Variants in B3GALT1 observed in about 807,000 individuals in gnomAD.
B3GALT1 encodes beta-1,3-galactosyltransferase 1.
In B3GALT1, 10 loss-of-function variants were observed where a neutral mutation model predicts 23.2. That is an observed-to-expected ratio of 0.43 (90% CI 0.27 to 0.73). The LOEUF is 0.73. Among genes scored for constraint, B3GALT1 ranks in the 30% least tolerant of loss-of-function variants. B3GALT1 has a pLI of 0.21. For synonymous variants in B3GALT1, 156 were observed against 141.5 expected, an observed-to-expected ratio of 1.10 and a Z score of -0.73; for missense variants, 299 against 405.4, an observed-to-expected ratio of 0.74 and a Z score of 2.25.
At chr2:167,673,840 A>G (rs1686377383) in intron 3 of B3GALT1, among the ~76,000 whole-genome samples, 2 of 152,062 alleles carry the variant, frequency 1.3e-5, no homozygotes, top group South Asian at 4.1e-4. Context: ...TTTGGGGTGA[A>G]ATATTTTCAC....
chr2:167,577,231 G>A (rs1684402786), intron 2 of B3GALT1, among the ~76,000 whole-genome samples: 1 of 151,690 alleles, frequency 6.6e-6, no homozygotes, highest in Non-Finnish European at 1.5e-5. Flanking sequence ...ACCACTTTCT[G>A]CACCCTACTC....
At chr2:167,595,046 G>A (rs1431911) in intron 2 of B3GALT1, among the ~76,000 whole-genome samples, 90,684 of 152,068 alleles carry the variant, frequency 0.6, 30,191 homozygotes, top group Non-Finnish European at 0.74. Flanking sequence ...AAGGAGCCAA[G>A]TATTTGCTTC....
At chr2:167,403,917 G>A (rs897122455) in intron 1 of B3GALT1, among the ~76,000 whole-genome samples, 2 of 152,148 alleles carry the variant, frequency 1.3e-5, no homozygotes, top group Non-Finnish European at 2.9e-5. Flanking sequence ...CAAGAAGCAA[G>A]GACAGATGCA....
At position 167,725,228 on chromosome 2, in the gene B3GALT1, A is replaced by G. The variant is rs367699219; in HGVS notation, c.-352+78262A>G. 1.9e-4 allele frequency among the ~76,000 whole-genome samples: 29 copies of G among 152,254 alleles called. No homozygotes were observed. The East Asian group carries it at 4.1e-3, about 21-fold the overall frequency. On this transcript the variant is annotated intron_variant, in intron 3 of 4. Coordinates refer to ENST00000392690, the MANE Select transcript of B3GALT1 (RefSeq NM_020981.4). Reference sequence around the variant, plus strand: ...GGAGGACAACTGTCAATTCAAAGCCATATATGAAGCCCATATTTCTACCAG... The same window carrying G: ...GGAGGACAACTGTCAATTCAAAGCCGTATATGAAGCCCATATTTCTACCAG...
intron 1 of B3GALT1, among the ~76,000 whole-genome samples, chr2:167,467,201 G>T (rs935981259): frequency 6.6e-6 from 1 of 151,784 alleles, no homozygotes. Flanking sequence ...GAGCCAAGCC[G>T]ACTGACCCAC....
At chr2:167,805,643 C>G (rs188585331) in intron 3 of B3GALT1, among the ~76,000 whole-genome samples, 1 of 152,022 alleles carries the variant, frequency 6.6e-6, no homozygotes. Context: ...GTTGTAGATA[C>G]GTGGCATTAT....
At chr2:167,844,721 A>G (rs1460795751) in intron 4 of B3GALT1, among the ~76,000 whole-genome samples, 1 of 152,172 alleles carries the variant, frequency 6.6e-6, no homozygotes, top group African/African-American at 2.4e-5. Flanking sequence ...CTGTATAACA[A>G]TTTGAATGGG....
chr2:167,647,005 T>G (rs1685758214), intron 3 of B3GALT1, among the ~76,000 whole-genome samples, 39 bp downstream of exon 3: 1 of 152,208 alleles, frequency 6.6e-6, no homozygotes, highest in African/African-American at 2.4e-5. Flanking sequence ...TAGTTTCTTA[T>G]TTTGGTTGCT....
At chr2:167,839,763 A>G (rs1689591137) in intron 4 of B3GALT1, among the ~76,000 whole-genome samples, 1 of 152,182 alleles carries the variant, frequency 6.6e-6, no homozygotes, top group Non-Finnish European at 1.5e-5. Context: ...GCATCACACT[A>G]CCTGACTTCA....
chr2:167,416,621 C>T (rs891218516), intron 1 of B3GALT1, among the ~76,000 whole-genome samples: 5 of 152,176 alleles, frequency 3.3e-5, no homozygotes, highest in Admixed American at 2.0e-4. Context: ...ACCACTGGGA[C>T]TCCAGAGCTG....
chr2:167,771,164 G>C (rs1688066021), intron 3 of B3GALT1, among the ~76,000 whole-genome samples: 1 of 152,158 alleles, frequency 6.6e-6, no homozygotes, highest in African/African-American at 2.4e-5. Context: ...AATGTATTTT[G>C]TGATTTTAGT....
At chr2:167,716,302 A>G (rs951932730) in intron 3 of B3GALT1, among the ~76,000 whole-genome samples, 2 of 150,686 alleles carry the variant, frequency 1.3e-5, no homozygotes, top group Admixed American at 6.6e-5. Context: ...ATCCTGAGGC[A>G]GCGCTGGTCC....
chr2:167,721,248 G>A (rs1687228308), intron 3 of B3GALT1, among the ~76,000 whole-genome samples: 1 of 152,188 alleles, frequency 6.6e-6, no homozygotes, highest in Admixed American at 6.5e-5. Flanking sequence ...GCTGGTATCT[G>A]ATCAGAGCTT....
chr2:167,415,155 A>G (rs1007504826), intron 1 of B3GALT1, among the ~76,000 whole-genome samples: 1 of 152,194 alleles, frequency 6.6e-6, no homozygotes, highest in African/African-American at 2.4e-5. Flanking sequence ...TTGTGGCAGT[A>G]CTGACAAGTG....
intron 1 of B3GALT1, among the ~76,000 whole-genome samples, chr2:167,424,149 T>C (rs1418348169): frequency 6.6e-6 from 1 of 152,202 alleles, no homozygotes; most frequent in Admixed American, 6.5e-5. Context: ...TTGTTTGCTT[T>C]GATGTTTTCA....
chr2:167,326,901 G>T (rs1032382190), intron 1 of B3GALT1, among the ~76,000 whole-genome samples: 2 of 152,004 alleles, frequency 1.3e-5, no homozygotes, highest in Non-Finnish European at 2.9e-5. Flanking sequence ...CGTTGGCCAG[G>T]CTGGTCTCTA....
chr2:167,311,450 T>C (rs1696632600), intron 1 of B3GALT1, among the ~76,000 whole-genome samples: 1 of 152,124 alleles, frequency 6.6e-6, no homozygotes, highest in Admixed American at 6.6e-5. Context: ...GAGTGTTCTA[T>C]GTTCTGTTTT....
rs538349877 is a variant in B3GALT1, at chr2:167,545,282, A to G, written c.-410+55005A>G. ...GATCTTCTGACCTTGTGATCCGCCC[A>G]CCTCGGCCTCCCAAAGTGCTGGGAT... On this transcript the variant is annotated intron_variant, in intron 2 of 4. Transcript: ENST00000392690. Among the ~76,000 whole-genome samples, 156 of 151,356 alleles carry G rather than the reference A, an allele frequency of 1.0e-3. 1 individual carries two copies. The highest frequency in any genetic ancestry group is 2.7e-3 in the East Asian group (14 of 5,122).
chr2:167,513,999 C>T (rs1024826054), intron 2 of B3GALT1, among the ~76,000 whole-genome samples: 9 of 152,130 alleles, frequency 5.9e-5, no homozygotes, highest in African/African-American at 1.4e-4. Flanking sequence ...CTCCGCCTCC[C>T]GGGTTCATGC....
Sources: allele counts gnomAD v4.1 joint callset (sites outside exome capture counted in the v4.1 genomes callset), GRCh38; gene constraint gnomAD v4.1.1; transcripts MANE v1.5; gene names NCBI Gene and HGNC (gene_info 2026-07-23, HGNC 2026-07-21).